The following CPO variants were observed in gnomAD, a reference collection of about 807,000 sequenced individuals.
CPO encodes the protein carboxypeptidase O.
In CPO, 43 loss-of-function variants were observed where a neutral mutation model predicts 41.2. The ratio of observed to expected loss-of-function variants is 1.04; its 90% confidence interval spans 0.82 to 1.35. The LOEUF is 1.35. Among genes scored for constraint, CPO ranks in the 40% most tolerant of loss-of-function variants. The probability of loss-of-function intolerance (pLI) is 0.00; values close to 1 mark genes in which losing one functional copy is unlikely to be tolerated. For missense variants in CPO, 408 were observed against 451.7 expected (o/e 0.90, Z 0.88); for synonymous variants, 178 against 162.7 (o/e 1.09, Z -0.72).
At position 206,943,934 on chromosome 2, in the gene CPO, T is replaced by C. The variant is rs114638690; in HGVS notation, c.68+4267T>C. 1.4e-3 allele frequency among the ~76,000 whole-genome samples: 213 copies of C among 152,220 alleles called. 1 individual carries two copies. Among genetic ancestry groups the C allele is most frequent in the African/African-American group, 4.8e-3 (201 of 41,560 alleles). On this transcript the variant is annotated intron_variant, in intron 1 of 8. Transcript: ENST00000272852. ...TGACCTTAAAACAGTTTGTGCACCA[T>C]TTAATTGATAGTTAATCAGGCACTA...
Position 206,962,570 on chromosome 2 carries a change from C to T in CPO, c.733C>T (p.Pro245Ser), listed in dbSNP as rs1693501901. ...CTCTTATGGGCAGTTAATTCTCACA[C>T]CTTACGGCTACACCAAAAATAAATC... ...MHSYGQLILTPYGYTKNKSSN... is the reference protein window; with the variant it reads ...MHSYGQLILTSYGYTKNKSSN... The change falls in exon 7 of 9, where the codon CCT (proline) becomes TCT (serine). Residue 245 changes from proline to serine, a missense_variant. By Grantham distance (74) the Pro-to-Ser change is moderately conservative (BLOSUM62 -1). Coordinates refer to ENST00000272852, the MANE Select transcript of CPO (RefSeq NM_173077.3). 1.2e-6 allele frequency: 2 copies of T among 1,614,116 alleles called. No homozygotes were observed. Among genetic ancestry groups the T allele is most frequent in the South Asian group, 1.1e-5 (1 of 91,076 alleles).
At chr2:206,947,932 C>T (rs1693176666) in intron 1 of CPO, among the ~76,000 whole-genome samples, 1 of 152,168 alleles carries the variant, frequency 6.6e-6, no homozygotes, top group African/African-American at 2.4e-5. Flanking sequence ...ACACTAAATG[C>T]TGACAAGGAT....
intron 3 of CPO, 147 bp from the exon 4 acceptor site, chr2:206,958,154 G>A: frequency 1.8e-6 from 1 of 542,050 alleles, no homozygotes; most frequent in Non-Finnish European, 3.3e-6. Context: ...GTTGATGGGT[G>A]TCTCATTAGC....
intron 3 of CPO, among the ~76,000 whole-genome samples, chr2:206,957,100 G>A (rs903993430): frequency 3.9e-5 from 6 of 152,268 alleles, no homozygotes; most frequent in Admixed American, 1.3e-4. Flanking sequence ...GGACATTGGC[G>A]GGTGCGGTGG....
At chr2:206,946,634 A>T (rs1473184454) in intron 1 of CPO, among the ~76,000 whole-genome samples, 1 of 152,170 alleles carries the variant, frequency 6.6e-6, no homozygotes, top group Non-Finnish European at 1.5e-5. Flanking sequence ...AAAATAAAAT[A>T]AAAAGTATAC....
Position 206,939,614 on chromosome 2 carries a change from T to G in CPO, c.15T>G (p.Leu5=), listed in dbSNP as rs1232848339. 3.7e-6 allele frequency: 6 copies of G among 1,611,156 alleles called. 1 individual carries two copies. In the Middle Eastern group the frequency reaches 5.0e-4, roughly 133 times the overall value. ...TGTGTGGCAGAATGAAGCCTCTGCTTGAAACCCTTTATCTTTTGGGGATGC... is the reference window on the plus strand; with the variant it reads ...TGTGTGGCAGAATGAAGCCTCTGCTGGAAACCCTTTATCTTTTGGGGATGC... MKPL[L]ETLYLLGMLV... is the part of the protein sequence containing the mutation. The change falls in exon 1 of 9, where the codon CTT becomes CTG. Residue 5 remains leucine (L), a synonymous_variant. Coordinates refer to ENST00000272852, the MANE Select transcript of CPO (RefSeq NM_173077.3).
At position 206,960,952 on chromosome 2, in the gene CPO, T is replaced by C. The variant is rs1396215267; in HGVS notation, c.574+10T>C. 1 of 1,512,080 alleles carries C rather than the reference T, an allele frequency of 6.6e-7. No homozygotes were observed. Among genetic ancestry groups the C allele is most frequent in the East Asian group, 2.3e-5 (1 of 44,372 alleles). 93.7% of individuals were successfully genotyped at this position (1,512,080 alleles called of 1,614,324 possible). On this transcript the variant is annotated intron_variant, in intron 6 of 8. Transcript: ENST00000272852. The stretch of plus-strand genomic sequence containing the variant: ...AATGCATCTTGGTGTAGTAAGTACA[T>C]GCTTAGTAGATGAATTATGAACAAA...
intron 1 of CPO, among the ~76,000 whole-genome samples, chr2:206,941,710 C>T (rs1693032797): frequency 6.6e-6 from 1 of 151,982 alleles, no homozygotes; most frequent in Admixed American, 6.6e-5. Flanking sequence ...TAACTCTCGC[C>T]AACTCAAAAC....
At chr2:206,941,384 A>G (rs1366526541) in intron 1 of CPO, among the ~76,000 whole-genome samples, 2 of 152,112 alleles carry the variant, frequency 1.3e-5, no homozygotes, top group Non-Finnish European at 2.9e-5. Context: ...CTAATGGAGT[A>G]CTTTAAAAAA....
intron 1 of CPO, among the ~76,000 whole-genome samples, chr2:206,949,089 A>G (rs1453164): frequency 0.26 from 38,683 of 149,924 alleles, 6,500 homozygotes; most frequent in South Asian, 0.49. Flanking sequence ...AAAAAAAAAG[A>G]TTAGTTCTCA....
intron 6 of CPO, among the ~76,000 whole-genome samples, chr2:206,961,619 CTTA>C (rs1259690654): frequency 6.6e-6 from 1 of 152,096 alleles, no homozygotes; most frequent in African/African-American, 2.4e-5. Flanking sequence ...GCTGATCATT[CTTA>C]TTATTATTAA....
At chr2:206,953,066 G>A (rs1250579943) in intron 2 of CPO, among the ~76,000 whole-genome samples, 1 of 152,090 alleles carries the variant, frequency 6.6e-6, no homozygotes, top group African/African-American at 2.4e-5. Flanking sequence ...GATATCTGGG[G>A]ACTATAGAAA....
chr2:206,968,563 C>A (rs557266672), intron 8 of CPO, among the ~76,000 whole-genome samples: 2 of 152,128 alleles, frequency 1.3e-5, no homozygotes, highest in African/African-American at 4.8e-5. Context: ...AGAATTAATG[C>A]GTTGGCTCAG....
chr2:206,949,504 T>C (rs1206704208), intron 1 of CPO, 113 bp from the exon 2 acceptor site: 1 of 712,198 alleles, frequency 1.4e-6, no homozygotes, highest in Non-Finnish European at 2.5e-6. Context: ...ACACAGGCTT[T>C]TGTCCTCCAA....
intron 2 of CPO, among the ~76,000 whole-genome samples, chr2:206,953,019 C>A (rs535583865): frequency 2.6e-5 from 4 of 152,136 alleles, no homozygotes; most frequent in Non-Finnish European, 5.9e-5. Context: ...TGTCTCCCAC[C>A]CCATGATTCA....
In CPO at chr2:206,939,528, T is replaced by C. The variant is rs1692989925; in HGVS notation, c.-72T>C. The C allele has an allele frequency of 8.5e-7, 1 of 1,176,170 alleles. No individual in the cohort carries two copies. The highest frequency in any genetic ancestry group is 1.5e-5 in the African/African-American group (1 of 66,148). The allele number at this position is 1,176,170 out of a possible 1,614,324, so 72.9% of individuals were successfully genotyped here. A position where few individuals can be genotyped will look rare whatever the true frequency, so the allele number is the denominator to read the frequency against. Reference sequence around the variant, plus strand: ...TTGATTGTGGGAGCCACAGTCTTGATGCATTCATTCTCAAGGACACTTGAT... The same window carrying C: ...TTGATTGTGGGAGCCACAGTCTTGACGCATTCATTCTCAAGGACACTTGAT... On this transcript the variant is annotated 5_prime_UTR_variant, in exon 1 of 9. The change abolishes an upstream ATG in the 5' untranslated region. Transcript: ENST00000272852.
Position 206,962,559 on chromosome 2 carries a change from TA to T in CPO, c.724del (p.Ile242PhefsTer18). 2 of 1,614,166 alleles carry T rather than the reference TA, an allele frequency of 1.2e-6. No individual in the cohort carries two copies. Among genetic ancestry groups the T allele is most frequent in the Non-Finnish European group, 1.7e-6 (2 of 1,179,998 alleles). ...CTGACCATGCACTCTTATGGGCAGTTAATTCTCACACCTTACGGCTACACCA... is the reference window on the plus strand; with the variant it reads ...CTGACCATGCACTCTTATGGGCAGTTATTCTCACACCTTACGGCTACACCA... ...CFLTMHSYGQ[L>X]ILTPYGYTKN... On this transcript the variant is annotated frameshift_variant, in exon 7 of 9. Coordinates refer to ENST00000272852, the MANE Select transcript of CPO (RefSeq NM_173077.3). LOFTEE classifies it high-confidence loss of function.
At chr2:206,948,057 C>T (rs1693179640) in intron 1 of CPO, among the ~76,000 whole-genome samples, 1 of 152,158 alleles carries the variant, frequency 6.6e-6, no homozygotes, top group Non-Finnish European at 1.5e-5. Context: ...CCATATTATC[C>T]AACCATTGCA....
intron 2 of CPO, among the ~76,000 whole-genome samples, 182 bp from the exon 3 acceptor site, chr2:206,955,281 A>G (rs559486255): frequency 7.9e-5 from 12 of 152,380 alleles, no homozygotes; most frequent in African/African-American, 2.9e-4. Context: ...TTGGTGACAG[A>G]ATAAATTGTT....
Sources: allele counts gnomAD v4.1 joint callset (sites outside exome capture counted in the v4.1 genomes callset), GRCh38; gene constraint gnomAD v4.1.1; transcripts MANE v1.5; gene names NCBI Gene and HGNC (gene_info 2026-07-23, HGNC 2026-07-21).